IWS1: variants seen among roughly 807,000 people sequenced by gnomAD.
The protein encoded by IWS1 is interacts with SUPT6H, CTD assembly factor 1.
Under a neutral mutation model 86.7 loss-of-function variants are expected in IWS1, and 27 were observed. That is an observed-to-expected ratio of 0.31 (90% confidence interval 0.23 to 0.43). The LOEUF is 0.43. IWS1 is among the 20% of genes least tolerant of loss of function. The probability of loss-of-function intolerance (pLI) is 1.00; values close to 1 mark genes in which losing one functional copy is unlikely to be tolerated. For synonymous variants in IWS1, 313 were observed against 335.1 expected (o/e 0.93, Z 0.72); for missense variants, 827 against 1,000.8 (o/e 0.83, Z 2.34).
chr2:127,481,316 A>G, intron 13 of IWS1, 141 bp from the exon 14 acceptor site: 1 of 667,872 alleles, frequency 1.5e-6, no homozygotes, highest in South Asian at 2.2e-5. Flanking sequence ...TGACCTCAAG[A>G]ACAACAAAGC....
In IWS1 at chr2:127,489,961, T is replaced by C. The variant is rs201791835; in HGVS notation, c.2048-18A>G. The C allele has an allele frequency of 1.1e-5, 15 of 1,362,062 alleles. No individual in the cohort carries two copies. The South Asian group carries it at 1.5e-4, about 14-fold the overall frequency. 84.4% of individuals were successfully genotyped at this position (1,362,062 alleles called of 1,614,324 possible). On this transcript the variant is annotated intron_variant, in intron 10 of 13. Coordinates refer to ENST00000295321, the MANE Select transcript of IWS1 (RefSeq NM_017969.3). The surrounding 1 kb of genome is among the most constrained non-coding windows in gnomAD (Gnocchi z 4.8). ...CCACTCATCTGTAGTAAGAAAAAAA[T>C]CAATTATTTTGTCCATAAAATTGCA...
intron 12 of IWS1, among the ~76,000 whole-genome samples, chr2:127,487,329 T>G (rs1355863941): frequency 6.6e-6 from 1 of 152,180 alleles, no homozygotes; most frequent in African/African-American, 2.4e-5. Context: ...TTACTTGCAC[T>G]CATTTATGTG....
chr2:127,522,896 A>G (rs1044206646), intron 2 of IWS1, among the ~76,000 whole-genome samples: 1 of 152,270 alleles, frequency 6.6e-6, no homozygotes, highest in Non-Finnish European at 1.5e-5. Flanking sequence ...ACATATTATT[A>G]AACAAAAACA....
At chr2:127,487,324 T>C (rs1392139385) in intron 12 of IWS1, among the ~76,000 whole-genome samples, 1 of 152,196 alleles carries the variant, frequency 6.6e-6, no homozygotes, top group African/African-American at 2.4e-5. Flanking sequence ...CAGTTTTACT[T>C]GCACTCATTT....
At chr2:127,491,801 T>C (rs902262985) in intron 10 of IWS1, among the ~76,000 whole-genome samples, 170 bp downstream of exon 10, 2 of 152,178 alleles carry the variant, frequency 1.3e-5, no homozygotes. Flanking sequence ...GGTTTTTTTT[T>C]AAAGTCTAAG....
At chr2:127,491,445 CA>C (rs1690220339) in intron 10 of IWS1, among the ~76,000 whole-genome samples, 1 of 46,740 alleles carries the variant, frequency 2.1e-5, no homozygotes, top group Admixed American at 2.8e-4. Context: ...TTTTTACTTG[CA>C]ATTTTTTTTT....
chr2:127,498,070 AAG>A (rs772694098), intron 6 of IWS1, 68 bp downstream of exon 6: 48 of 1,207,478 alleles, frequency 4.0e-5, no homozygotes, highest in African/African-American at 6.1e-5. Context: ...TGAAAAACAA[AAG>A]AGAGTTTAAT....
chr2:127,503,929 C>T (rs1573536986), intron 3 of IWS1, among the ~76,000 whole-genome samples: 1 of 152,214 alleles, frequency 6.6e-6, no homozygotes, highest in East Asian at 1.9e-4. Flanking sequence ...TTCTATGTTG[C>T]CTAGTAGTAA....
chr2:127,523,673 T>C lies in IWS1; in HGVS notation c.150+3A>G. 6.3e-7 allele frequency: 1 copy of C among 1,597,204 alleles called. No homozygotes were observed. Among genetic ancestry groups the C allele is most frequent in the Non-Finnish European group, 8.6e-7 (1 of 1,166,500 alleles). On this transcript the variant is annotated splice_donor_region_variant and intron_variant, in intron 2 of 13. Transcript: ENST00000295321. ...CCTCCCAAAGATGTTGGTTAGCCAA[T>C]ACCTCTGAATGACGTTCTACACTTC... is the stretch of plus-strand genomic sequence containing the variant.
intron 2 of IWS1, 68 bp downstream of exon 2, chr2:127,523,608 C>A (rs929795767): frequency 2.0e-6 from 2 of 987,752 alleles, no homozygotes; most frequent in East Asian, 4.8e-5. Context: ...TTCTGTAACT[C>A]CTATAATATA....
intron 3 of IWS1, among the ~76,000 whole-genome samples, chr2:127,504,311 T>C (rs1690983678): frequency 6.6e-6 from 1 of 152,140 alleles, no homozygotes; most frequent in African/African-American, 2.4e-5. Context: ...GGATGGGATC[T>C]AGTGAACTAA....
chr2:127,496,324 G>A (rs2104680045), intron 6 of IWS1, among the ~76,000 whole-genome samples, 176 bp from the exon 7 acceptor site: 1 of 152,214 alleles, frequency 6.6e-6, no homozygotes, highest in Non-Finnish European at 1.5e-5. Flanking sequence ...ATGACGGACT[G>A]CAAATACGAC....
chr2:127,494,245 T>TAAAAAAAAAAAAAAAAA (rs11327472), intron 8 of IWS1, among the ~76,000 whole-genome samples: 2 of 94,090 alleles, frequency 2.1e-5, no homozygotes, highest in Non-Finnish European at 4.0e-5. Context: ...TGTCTCTAAT[T>TAAAAAAAAAAAAAAAAA]AAAAAAAAAA....
At position 127,526,401 on chromosome 2, in the gene IWS1, A is replaced by G; in HGVS notation, c.-193T>C. The G allele has an allele frequency of 1.3e-6, 2 of 1,536,180 alleles. No individual in the cohort carries two copies. Among genetic ancestry groups the G allele is most frequent in the Non-Finnish European group, 1.7e-6 (2 of 1,145,786 alleles). On this transcript the variant is annotated 5_prime_UTR_variant, in exon 1 of 14. Transcript: ENST00000295321. ...CTTTGACCTGGAAGCCCCGGCGGAA[A>G]AGGCCGTACCCGGCAGGCTGGCGGG...
At chr2:127,497,166 T>C (rs1690556613) in intron 6 of IWS1, among the ~76,000 whole-genome samples, 1 of 152,234 alleles carries the variant, frequency 6.6e-6, no homozygotes, top group African/African-American at 2.4e-5. Flanking sequence ...GAACGGTTGA[T>C]CCTAGACTTT....
chr2:127,483,600 T>TGGGGGGGGGGGGGGGGG (rs1558736829), intron 13 of IWS1, among the ~76,000 whole-genome samples: 1 of 5,880 alleles, frequency 1.7e-4, no homozygotes, highest in African/African-American at 4.0e-4. Flanking sequence ...GTGGGGGGGT[T>TGGGGGGGGGGGGGGGGG]GGGCTGTGTG....
Position 127,480,965 on chromosome 2 carries a change from T to C in IWS1, c.*79A>G. Reference sequence around the variant, plus strand: ...GAACCATTTACAGACACACTAAAAATGTTTTAAAATATCTTCTTTCTCCAA... The same window carrying C: ...GAACCATTTACAGACACACTAAAAACGTTTTAAAATATCTTCTTTCTCCAA... On this transcript the variant is annotated 3_prime_UTR_variant, in exon 14 of 14. Coordinates refer to ENST00000295321, the MANE Select transcript of IWS1 (RefSeq NM_017969.3). 3 of 1,478,136 alleles carry C rather than the reference T, an allele frequency of 2.0e-6. No individual in the cohort carries two copies. Among genetic ancestry groups the C allele is most frequent in the Non-Finnish European group, 2.7e-6 (3 of 1,096,652 alleles). 91.6% of individuals were successfully genotyped at this position (1,478,136 alleles called of 1,614,324 possible).
intron 2 of IWS1, among the ~76,000 whole-genome samples, chr2:127,520,651 A>T (rs1692045018): frequency 6.6e-6 from 1 of 152,234 alleles, no homozygotes; most frequent in Admixed American, 6.5e-5. Context: ...GTGGTTTAGC[A>T]AATTACCATA....
rs534593852 is a variant in IWS1 at position 127,526,431 on chromosome 2, C to T, written c.-223G>A. 2 of 1,535,174 alleles carry T rather than the reference C, an allele frequency of 1.3e-6. No individual in the cohort carries two copies. The highest frequency in any genetic ancestry group is 1.4e-5 in the African/African-American group (1 of 73,076). On this transcript the variant is annotated 5_prime_UTR_variant, in exon 1 of 14. Coordinates refer to ENST00000295321, the MANE Select transcript of IWS1 (RefSeq NM_017969.3). ...CGTACCCGGCAGGCTGGCGGGCGGG[C>T]AGGCATGCGAGCCGGCGTTCTACTT...
Sources: allele counts gnomAD v4.1 joint callset (sites outside exome capture counted in the v4.1 genomes callset), GRCh38; gene constraint gnomAD v4.1.1; non-coding constraint Gnocchi (gnomAD v3.1); transcripts MANE v1.5; gene names NCBI Gene and HGNC (gene_info 2026-07-23, HGNC 2026-07-21).